Variants in AFG3L2 observed in about 807,000 individuals in gnomAD.
AFG3L2 encodes the protein mitochondrial inner membrane m-AAA protease component AFG3L2.
A neutral mutation model predicts 94.5 loss-of-function variants in AFG3L2; 54 were observed. The observed-to-expected ratio is 0.57, with a 90% CI of 0.46 to 0.72. The LOEUF (loss-of-function observed/expected upper bound fraction) is 0.72, where lower values mean the gene tolerates loss of function less well. Ranked by LOEUF, AFG3L2 falls within the 30% of genes least tolerant of loss-of-function variation. AFG3L2 has a pLI of 0.00. For missense variants in AFG3L2, 754 were observed against 994.9 expected, an observed-to-expected ratio of 0.76 and a Z score of 3.26; for synonymous variants, 377 against 365.5, an observed-to-expected ratio of 1.03 and a Z score of -0.36.
intron 1 of AFG3L2, among the ~76,000 whole-genome samples, chr18:12,376,209 C>G (rs1909150947): frequency 6.6e-6 from 1 of 152,204 alleles, no homozygotes; most frequent in African/African-American, 2.4e-5. Context: ...CCGTGGCCGA[C>G]CCGGGGACCT....
rs1281498835 is a variant in AFG3L2 at position 12,375,259 on chromosome 18, CTT to C, written c.114+1708_114+1709del. On this transcript the variant is annotated intron_variant, in intron 1 of 16. Transcript: ENST00000269143. ...ATTATTCCCCCTCCCCACCCCCGCTCTTTTTTTTTTTAGGAGACAGAGTCCGT... is the reference window on the plus strand; with the variant it reads ...ATTATTCCCCCTCCCCACCCCCGCTCTTTTTTTTTAGGAGACAGAGTCCGT... Among the ~76,000 whole-genome samples, 7 of 141,248 alleles carry C rather than the reference CTT, an allele frequency of 5.0e-5. No homozygotes were observed. The East Asian group carries it at 1.0e-3, about 21-fold the overall frequency. The allele number at this position is 141,248 out of a possible 152,430, so 92.7% of individuals were successfully genotyped here.
At chr18:12,333,142 T>C (rs1362119968) in intron 16 of AFG3L2, among the ~76,000 whole-genome samples, 2 of 72,522 alleles carry the variant, frequency 2.8e-5, no homozygotes, top group Non-Finnish European at 5.2e-5. Flanking sequence ...ATAATATATA[T>C]AATATATAAT....
At chr18:12,347,994 C>T (rs1908198734) in intron 13 of AFG3L2, among the ~76,000 whole-genome samples, 2 of 152,312 alleles carry the variant, frequency 1.3e-5, no homozygotes, top group South Asian at 4.1e-4. Context: ...CTGCTGGCTG[C>T]CTGTGCAAGC....
intron 13 of AFG3L2, 161 bp from the exon 14 acceptor site, chr18:12,344,408 C>G (rs554004746): frequency 6.1e-6 from 4 of 659,390 alleles, no homozygotes; most frequent in African/African-American, 5.3e-5. Flanking sequence ...GGCGCAGTGG[C>G]TCATGCCTGT....
intron 5 of AFG3L2, 108 bp from the exon 6 acceptor site, chr18:12,363,964 TAAAG>T: frequency 1.1e-6 from 1 of 889,676 alleles, no homozygotes; most frequent in Non-Finnish European, 1.9e-6. Context: ...AAGGAAAGAA[TAAAG>T]AATCAGATAA....
intron 3 of AFG3L2, 32 bp from the exon 4 acceptor site, chr18:12,367,414 A>G (rs758695023): frequency 2.5e-6 from 4 of 1,606,064 alleles, no homozygotes; most frequent in Non-Finnish European, 3.4e-6. Context: ...ACACAGAAGC[A>G]CGGCAAGGTT....
At chr18:12,373,367 G>A (rs943042565) in intron 1 of AFG3L2, among the ~76,000 whole-genome samples, 2 of 152,184 alleles carry the variant, frequency 1.3e-5, no homozygotes, top group African/African-American at 4.8e-5. Context: ...GTCAAGCAGT[G>A]GGGTGTCCGA....
chr18:12,363,980 G>T, intron 5 of AFG3L2, 124 bp from the exon 6 acceptor site: 1 of 793,954 alleles, frequency 1.3e-6, no homozygotes, highest in Non-Finnish European at 2.2e-6. Flanking sequence ...ATCAGATAAA[G>T]ATGCCCCCAT....
At chr18:12,331,860 T>TATATATAA (rs1907543197) in intron 16 of AFG3L2, among the ~76,000 whole-genome samples, 2 of 141,234 alleles carry the variant, frequency 1.4e-5, no homozygotes, top group African/African-American at 5.6e-5. Context: ...TATATATATA[T>TATATATAA]AAAACAAGGG....
At position 12,329,292 on chromosome 18, in the gene AFG3L2, CG is replaced by C; in HGVS notation, c.*272del. The C allele has an allele frequency of 1.4e-6, 1 of 694,754 alleles. No individual in the cohort carries two copies. Among genetic ancestry groups the C allele is most frequent in the Non-Finnish European group, 2.6e-6 (1 of 381,346 alleles). The allele number at this position is 694,754 out of a possible 1,614,324, so 43.0% of individuals were successfully genotyped here. A position where few individuals can be genotyped will look rare whatever the true frequency, so the allele number is the denominator to read the frequency against. On this transcript the variant is annotated 3_prime_UTR_variant, in exon 17 of 17. Transcript: ENST00000269143. ...CACTTGGTGCCACAGGGTCCAGCCT[CG>C]GCCACTCTGGGCTCAACCTTTCCAG...
intron 4 of AFG3L2, 33 bp from the exon 5 acceptor site, chr18:12,367,150 A>G: frequency 1.9e-6 from 3 of 1,614,020 alleles, no homozygotes; most frequent in Non-Finnish European, 2.5e-6. Context: ...TCTGTGAAGA[A>G]TGAAATTCCA....
rs184048585 is a variant in AFG3L2 at position 12,346,670 on chromosome 18, G to A, written c.1663+1603C>T. Among the ~76,000 whole-genome samples, 11 of 152,210 alleles carry A rather than the reference G, an allele frequency of 7.2e-5. No homozygotes were observed. The East Asian group carries it at 1.2e-3, about 16-fold the overall frequency. On this transcript the variant is annotated intron_variant, in intron 13 of 16. Coordinates refer to ENST00000269143, the MANE Select transcript of AFG3L2 (RefSeq NM_006796.3). Reference sequence around the variant, plus strand: ...TGTAATCCGAACACTTTGGGAGGCCGAGGCAGGCAGATCACCTGAGGTCAG... The same window carrying A: ...TGTAATCCGAACACTTTGGGAGGCCAAGGCAGGCAGATCACCTGAGGTCAG...
At chr18:12,348,158 C>T in intron 13 of AFG3L2, 115 bp downstream of exon 13, 1 of 861,944 alleles carries the variant, frequency 1.2e-6, no homozygotes, top group Non-Finnish European at 1.9e-6. Flanking sequence ...GTGGTGGGCC[C>T]CAGGGCTGAG....
chr18:12,353,514 C>CAAAAAAAAAA (rs71172076), intron 9 of AFG3L2, among the ~76,000 whole-genome samples: 10 of 81,042 alleles, frequency 1.2e-4, no homozygotes, highest in Admixed American at 4.4e-4. Context: ...AATTCTGTCT[C>CAAAAAAAAAA]AAAAAAAAAA....
At chr18:12,340,422 TTGAAGATCCTACTACAGA>T in intron 14 of AFG3L2, 21 bp from the exon 15 acceptor site, 2 of 1,563,420 alleles carry the variant, frequency 1.3e-6, no homozygotes, top group Non-Finnish European at 1.8e-6. Flanking sequence ...GAAAACAGTG[TTGAAGATCCTACTACAGA>T]TGAAGACTTG....
At chr18:12,360,099 A>G in intron 6 of AFG3L2, 48 bp from the exon 7 acceptor site, 1 of 1,587,828 alleles carries the variant, frequency 6.3e-7, no homozygotes, top group Non-Finnish European at 8.6e-7. Flanking sequence ...TGAAACTAAA[A>G]GGTTCAATTC....
Position 12,367,359 on chromosome 18 carries a change from G to C in AFG3L2, c.316C>G (p.Arg106Gly). 6.2e-7 allele frequency: 1 copy of C among 1,614,152 alleles called. No homozygotes were observed. The highest frequency in any genetic ancestry group is 1.1e-5 in the South Asian group (1 of 91,078). The change falls in exon 4 of 17, where the codon CGC becomes GGC. Residue 106 changes from arginine to glycine, a missense_variant. Physicochemically the swap from Arg to Gly is moderately radical, Grantham distance 125. Transcript: ENST00000269143. Reference protein sequence around the residue: ...KKESKPAATTRSSGGGGGGGG... With the variant: ...KKESKPAATTGSSGGGGGGGG... Reference sequence around the variant, plus strand: ...CCACCACCTCCTCCTCCAGAAGAGCGTGTGGTAGCAGCTGGCTTTGATTCT... The same window carrying C: ...CCACCACCTCCTCCTCCAGAAGAGCCTGTGGTAGCAGCTGGCTTTGATTCT...
At chr18:12,372,872 G>A (rs1909034439) in intron 1 of AFG3L2, among the ~76,000 whole-genome samples, 1 of 152,166 alleles carries the variant, frequency 6.6e-6, no homozygotes, top group Admixed American at 6.6e-5. Flanking sequence ...GCCTAGAGTT[G>A]GGGGAATGAT....
chr18:12,355,490 C>T (rs934921430), intron 9 of AFG3L2, among the ~76,000 whole-genome samples: 1 of 152,032 alleles, frequency 6.6e-6, no homozygotes, highest in African/African-American at 2.4e-5. Flanking sequence ...GGAAAATGGG[C>T]AAGTAGTTTG....
Sources: gnomAD v4.1 joint callset for allele counts (sites outside exome capture counted in the v4.1 genomes callset) on GRCh38, gnomAD v4.1.1 for gene constraint, MANE v1.5 for transcripts, NCBI Gene and HGNC (gene_info 2026-07-23, HGNC 2026-07-21) for gene names.